The following PI4KA variants were observed in gnomAD, a reference collection of about 807,000 sequenced individuals.
PI4KA encodes phosphatidylinositol 4-kinase alpha, also known as PI4-kinase alpha.
In PI4KA, 122 loss-of-function variants were observed where a neutral mutation model predicts 271.4. That is an observed-to-expected ratio of 0.45 (90% CI 0.39 to 0.52). The LOEUF is 0.52. PI4KA is among the 20% of genes least tolerant of loss of function. The pLI is 0.00. For synonymous variants in PI4KA, 1,041 were observed against 1,078.8 expected, an observed-to-expected ratio of 0.96 and a Z score of 0.69; for missense variants, 1,969 against 2,769.1, an observed-to-expected ratio of 0.71 and a Z score of 6.48.
intron 7 of PI4KA, among the ~76,000 whole-genome samples, chr22:20,817,950 C>A (rs1237296739): frequency 6.6e-6 from 1 of 151,488 alleles, no homozygotes; most frequent in Non-Finnish European, 1.5e-5. Flanking sequence ...CATGGTGAAA[C>A]CCTGTCTCTA....
At chr22:20,747,300 G>A (rs1930218985) in intron 29 of PI4KA, among the ~76,000 whole-genome samples, 2 of 151,996 alleles carry the variant, frequency 1.3e-5, no homozygotes. Context: ...CTCAGATGGG[G>A]ACATTCAAAT....
At chr22:20,844,286 T>C (rs569748038) in intron 1 of PI4KA, among the ~76,000 whole-genome samples, 1 of 152,062 alleles carries the variant, frequency 6.6e-6, no homozygotes, top group African/African-American at 2.4e-5. Context: ...GTCACAGACA[T>C]TTGATAAGGT....
chr22:20,796,317 G>A lies in PI4KA; in HGVS notation c.2109-3C>T, dbSNP rs1171139081. ...TAATCACTGCCAGGGAGCAATGCCT[G>A]AAGAAGAAGGAGTGAAATAACAGCC... is the stretch of plus-strand genomic sequence containing the variant. On this transcript the variant is annotated splice_polypyrimidine_tract_variant and splice_region_variant and intron_variant, in intron 17 of 54. Coordinates refer to ENST00000255882, the MANE Select transcript of PI4KA (RefSeq NM_058004.4). 1.2e-6 allele frequency: 2 copies of A among 1,611,078 alleles called. No individual in the cohort carries two copies. Among genetic ancestry groups the A allele is most frequent in the Non-Finnish European group, 8.5e-7 (1 of 1,178,256 alleles).
chr22:20,750,817 G>T (rs539416971), intron 27 of PI4KA, among the ~76,000 whole-genome samples: 2 of 152,308 alleles, frequency 1.3e-5, no homozygotes, highest in East Asian at 3.9e-4. Context: ...GTTGGGGAGA[G>T]GAGAGACCCA....
chr22:20,830,778 G>A (rs914659553), intron 3 of PI4KA, among the ~76,000 whole-genome samples: 4 of 152,008 alleles, frequency 2.6e-5, no homozygotes, highest in African/African-American at 9.7e-5. Context: ...GTTGTTGTTT[G>A]TTCTTTTTTT....
At chr22:20,794,758 C>T (rs1210346109) in intron 18 of PI4KA, among the ~76,000 whole-genome samples, 1 of 152,212 alleles carries the variant, frequency 6.6e-6, no homozygotes, top group African/African-American at 2.4e-5. Context: ...GTCTCGTTCA[C>T]TTCTGTAACA....
chr22:20,711,613 G>T, intron 50 of PI4KA, 152 bp from the exon 51 acceptor site: 1 of 793,602 alleles, frequency 1.3e-6, no homozygotes, highest in Non-Finnish European at 2.0e-6. Flanking sequence ...GCCAGTCTTC[G>T]GTAGCAGGAG....
intron 3 of PI4KA, among the ~76,000 whole-genome samples, chr22:20,824,666 T>C (rs769338602): frequency 6.6e-6 from 1 of 151,738 alleles, no homozygotes; most frequent in Non-Finnish European, 1.5e-5. Context: ...CAATAGCTAG[T>C]GTGAGATAAC....
At chr22:20,742,441 C>G in intron 31 of PI4KA, 86 bp from the exon 32 acceptor site, 1 of 1,572,760 alleles carries the variant, frequency 6.4e-7, no homozygotes, top group Non-Finnish European at 8.6e-7. Flanking sequence ...AGTTGACCAG[C>G]TGGGGCCAGT....
chr22:20,842,180 A>G (rs1016987925), intron 1 of PI4KA, among the ~76,000 whole-genome samples: 1 of 151,960 alleles, frequency 6.6e-6, no homozygotes, highest in African/African-American at 2.4e-5. Flanking sequence ...GTGAGCTGAG[A>G]TTGCGCCACT....
chr22:20,716,056 GTTT>G (rs112549796), intron 45 of PI4KA, among the ~76,000 whole-genome samples: 2 of 145,606 alleles, frequency 1.4e-5, no homozygotes, highest in African/African-American at 5.0e-5. Flanking sequence ...TGCCTGGTTA[GTTT>G]TTTTTTTTTG....
intron 42 of PI4KA, 36 bp from the exon 43 acceptor site, chr22:20,721,454 GC>G (rs769350632): frequency 6.2e-7 from 1 of 1,609,956 alleles, no homozygotes; most frequent in African/African-American, 1.3e-5. Context: ...GCCAGGCTCG[GC>G]CCTCTCCATG....
At chr22:20,766,303 G>T (rs1932516688) in intron 19 of PI4KA, among the ~76,000 whole-genome samples, 1 of 152,140 alleles carries the variant, frequency 6.6e-6, no homozygotes, top group African/African-American at 2.4e-5. Flanking sequence ...CAGGTGAGGG[G>T]CTATTGTCCT....
At chr22:20,816,945 G>C (rs1327297375) in intron 7 of PI4KA, among the ~76,000 whole-genome samples, 7 of 152,178 alleles carry the variant, frequency 4.6e-5, no homozygotes, top group Non-Finnish European at 8.8e-5. Flanking sequence ...AGCCTCCAAG[G>C]GCACATCATG....
At chr22:20,848,984 TA>T (rs573106172) in intron 1 of PI4KA, among the ~76,000 whole-genome samples, 6 of 152,120 alleles carry the variant, frequency 3.9e-5, no homozygotes, top group African/African-American at 1.2e-4. Flanking sequence ...ACAACTTAAT[TA>T]AAAAAATACT....
At chr22:20,818,450 C>G (rs746177600) in intron 7 of PI4KA, 33 bp downstream of exon 7, 34 of 1,520,084 alleles carry the variant, frequency 2.2e-5, no homozygotes, top group African/African-American at 9.8e-5. Flanking sequence ...CCAAGTATTA[C>G]GTCAAAATAT....
intron 4 of PI4KA, among the ~76,000 whole-genome samples, chr22:20,822,960 C>A (rs1922905805): frequency 6.6e-6 from 1 of 152,194 alleles, no homozygotes; most frequent in East Asian, 1.9e-4. Context: ...GTTATCCAGG[C>A]TGGAGTGCAA....
intron 45 of PI4KA, among the ~76,000 whole-genome samples, chr22:20,717,017 G>A (rs1030325709): frequency 7.9e-5 from 12 of 152,100 alleles, no homozygotes; most frequent in South Asian, 2.1e-4. Flanking sequence ...AGGCCGAGGC[G>A]GGCAGATCAC....
intron 3 of PI4KA, among the ~76,000 whole-genome samples, chr22:20,826,353 A>C (rs1923423671): frequency 6.6e-6 from 1 of 152,160 alleles, no homozygotes; most frequent in Admixed American, 6.6e-5. Context: ...AAAAAGATAA[A>C]ATAAAATAAA....
Sources: allele counts gnomAD v4.1 joint callset (sites outside exome capture counted in the v4.1 genomes callset), GRCh38; gene constraint gnomAD v4.1.1; transcripts MANE v1.5; gene names NCBI Gene and HGNC (gene_info 2026-07-23, HGNC 2026-07-21).